Variants in TGM7 observed in about 807,000 individuals in gnomAD.
The protein encoded by TGM7 is transglutaminase 7.
A neutral mutation model predicts 79.5 loss-of-function variants in TGM7; 74 were observed. The ratio of observed to expected loss-of-function variants is 0.93; its 90% confidence interval spans 0.77 to 1.13. The LOEUF (loss-of-function observed/expected upper bound fraction) is 1.13, where lower values mean the gene tolerates loss of function less well. Among genes scored for constraint, TGM7 ranks in the 50% most tolerant of loss-of-function variants. The pLI is 0.00. For synonymous variants in TGM7, 354 were observed against 362.5 expected (o/e 0.98, Z 0.27); for missense variants, 912 against 905.9 (o/e 1.01, Z -0.09).
Position 43,287,464 on chromosome 15 carries a change from A to G in TGM7, c.688-7T>C. 1 of 1,613,686 alleles carries G rather than the reference A, an allele frequency of 6.2e-7. No homozygotes were observed. Among genetic ancestry groups the G allele is most frequent in the Non-Finnish European group, 8.5e-7 (1 of 1,179,666 alleles). On this transcript the variant is annotated splice_polypyrimidine_tract_variant and splice_region_variant and intron_variant, in intron 5 of 12. Coordinates refer to ENST00000452443, the MANE Select transcript of TGM7 (RefSeq NM_052955.3). The stretch of plus-strand genomic sequence containing the variant: ...TGTCATCGTTGCTGTTGATCTGCAG[A>G]GGACAGACAGGTGGGTTTCCACAGC...
intron 11 of TGM7, among the ~76,000 whole-genome samples, chr15:43,277,852 C>T (rs1449075849): frequency 6.6e-6 from 1 of 152,208 alleles, no homozygotes; most frequent in African/African-American, 2.4e-5. Flanking sequence ...AACAAAAATA[C>T]CAAGTCCCTT....
intron 4 of TGM7, among the ~76,000 whole-genome samples, chr15:43,291,573 A>C (rs2042963589): frequency 6.6e-6 from 1 of 152,216 alleles, no homozygotes; most frequent in Non-Finnish European, 1.5e-5. Flanking sequence ...CAAGTAAAAA[A>C]CGTGAAAACT....
chr15:43,285,283 T>A (rs867676220), intron 6 of TGM7, among the ~76,000 whole-genome samples: 1 of 152,316 alleles, frequency 6.6e-6, no homozygotes. Context: ...ACGCCTGTAA[T>A]CCCAGCACTT....
chr15:43,280,311 G>T (rs2042901510), intron 9 of TGM7, among the ~76,000 whole-genome samples: 1 of 152,102 alleles, frequency 6.6e-6, no homozygotes, highest in Non-Finnish European at 1.5e-5. Context: ...CTCCAGCTAA[G>T]ATATATGCTC....
chr15:43,286,195 C>G (rs2042934963), intron 6 of TGM7, among the ~76,000 whole-genome samples: 1 of 152,190 alleles, frequency 6.6e-6, no homozygotes, highest in Non-Finnish European at 1.5e-5. Context: ...GGCGTGGGAG[C>G]TACACCTGGG....
At chr15:43,280,906 C>G (rs981348929) in intron 9 of TGM7, among the ~76,000 whole-genome samples, 4 of 152,168 alleles carry the variant, frequency 2.6e-5, no homozygotes, top group African/African-American at 9.7e-5. Flanking sequence ...CAAAGGCAGC[C>G]GCTGAGTGTC....
At chr15:43,281,361 C>T (rs2042907988) in intron 9 of TGM7, among the ~76,000 whole-genome samples, 1 of 152,256 alleles carries the variant, frequency 6.6e-6, no homozygotes, top group Non-Finnish European at 1.5e-5. Flanking sequence ...CCTGACTCCA[C>T]CGCTCCCCTT....
chr15:43,280,045 AG>A, intron 9 of TGM7, 94 bp from the exon 10 acceptor site: 2 of 1,226,690 alleles, frequency 1.6e-6, no homozygotes, highest in Admixed American at 4.3e-5. Flanking sequence ...ATAGCAGCAC[AG>A]GGAGGCGGCG....
chr15:43,277,609 C>A (rs539138811), intron 11 of TGM7, among the ~76,000 whole-genome samples: 27 of 152,294 alleles, frequency 1.8e-4, no homozygotes, highest in African/African-American at 6.3e-4. Flanking sequence ...CAGGTGTGCT[C>A]AGTGCTGTGT....
At chr15:43,281,757 G>T in intron 9 of TGM7, 87 bp downstream of exon 9, 2 of 1,559,414 alleles carry the variant, frequency 1.3e-6, no homozygotes, top group South Asian at 2.4e-5. Context: ...TGATTCGATG[G>T]TGATGGTTTC....
intron 1 of TGM7, among the ~76,000 whole-genome samples, chr15:43,295,230 A>G (rs1436896365): frequency 6.6e-6 from 1 of 152,198 alleles, no homozygotes; most frequent in Non-Finnish European, 1.5e-5. Context: ...TAAGCATTAG[A>G]GCCTAAGTTG....
chr15:43,299,620 G>C (rs1276248967), intron 1 of TGM7, among the ~76,000 whole-genome samples: 27 of 152,358 alleles, frequency 1.8e-4, no homozygotes, highest in Non-Finnish European at 3.5e-4. Flanking sequence ...ATCCAGTGCA[G>C]CTGGCATGGA....
At chr15:43,282,409 A>G in intron 8 of TGM7, 108 bp downstream of exon 8, 1 of 958,336 alleles carries the variant, frequency 1.0e-6, no homozygotes, top group Non-Finnish European at 1.6e-6. Flanking sequence ...CCTCGGGAAG[A>G]GGGTGCCGTG....
chr15:43,284,759 T>C, intron 7 of TGM7, 55 bp downstream of exon 7: 1 of 1,598,514 alleles, frequency 6.3e-7, no homozygotes, highest in Non-Finnish European at 8.6e-7. Context: ...ACCAGGTCAG[T>C]TTTTCTGCCC....
intron 11 of TGM7, among the ~76,000 whole-genome samples, chr15:43,278,514 G>A (rs2042888978): frequency 6.6e-6 from 1 of 152,188 alleles, no homozygotes; most frequent in Non-Finnish European, 1.5e-5. Context: ...AGGCTGGAGT[G>A]AAGTGGCATG....
intron 1 of TGM7, among the ~76,000 whole-genome samples, chr15:43,299,776 A>G (rs938185313): frequency 3.9e-5 from 6 of 152,154 alleles, no homozygotes; most frequent in Admixed American, 1.3e-4. Flanking sequence ...CAAATACGTT[A>G]TTCTTTTTCA....
intron 1 of TGM7, among the ~76,000 whole-genome samples, chr15:43,297,635 A>AAGAAAGAAAGAAAAAG (rs5812242): frequency 1.3e-5 from 1 of 77,544 alleles, no homozygotes; most frequent in Non-Finnish European, 3.5e-5. Context: ...GAAAGAAAGA[A>AAGAAAGAAAGAAAAAG]AAAGAAAGAA....
chr15:43,279,054 C>T (rs1341098455), intron 11 of TGM7, 63 bp downstream of exon 11: 10 of 1,550,242 alleles, frequency 6.5e-6, no homozygotes, highest in Non-Finnish European at 7.9e-6. Flanking sequence ...GGCTGCTGCA[C>T]CCCAGCCCCT....
At chr15:43,293,005 A>G (rs1308120480) in intron 2 of TGM7, 51 bp from the exon 3 acceptor site, 4 of 1,596,740 alleles carry the variant, frequency 2.5e-6, no homozygotes, top group African/African-American at 1.3e-5. Context: ...CCTGTATGGT[A>G]TATGATTCCA....
Sources: allele counts gnomAD v4.1 joint callset (sites outside exome capture counted in the v4.1 genomes callset), GRCh38; gene constraint gnomAD v4.1.1; transcripts MANE v1.5; gene names NCBI Gene and HGNC (gene_info 2026-07-23, HGNC 2026-07-21).